The following VPS13D variants were observed in gnomAD, a reference collection of about 807,000 sequenced individuals.
VPS13D encodes vacuolar protein sorting 13 homolog D, also known as intermembrane lipid transfer protein VPS13D.
VPS13D carries 187 observed loss-of-function variants against 461.9 expected under a neutral mutation model. The observed-to-expected ratio is 0.40, with a 90% CI of 0.36 to 0.46. The LOEUF is 0.46. Among genes scored for constraint, VPS13D ranks in the 20% least tolerant of loss-of-function variants. The pLI is 0.60. For missense variants in VPS13D, 4,711 were observed against 5,364.9 expected, an observed-to-expected ratio of 0.88 and a Z score of 3.81; for synonymous variants, 1,951 against 1,986.3, an observed-to-expected ratio of 0.98 and a Z score of 0.47.
At chr1:12,332,585 A>G (rs186684531) in intron 37 of VPS13D, among the ~76,000 whole-genome samples, 72 of 152,340 alleles carry the variant, frequency 4.7e-4, no homozygotes, top group South Asian at 3.1e-3. Flanking sequence ...GAAATGATTA[A>G]CTAAAAATTC....
intron 67 of VPS13D, among the ~76,000 whole-genome samples, chr1:12,471,525 T>G (rs1189179252): frequency 1.3e-5 from 2 of 152,230 alleles, no homozygotes; most frequent in African/African-American, 4.8e-5. Context: ...CTTTGGGCTG[T>G]TTCTTCAATG....
At chr1:12,449,135 G>GA (rs879778673) in intron 65 of VPS13D, among the ~76,000 whole-genome samples, 69 of 142,114 alleles carry the variant, frequency 4.9e-4, no homozygotes, top group African/African-American at 6.9e-4. Context: ...CAGAGACCAG[G>GA]AAAAAAAAAA....
chr1:12,375,395 G>A (rs1284407279), intron 55 of VPS13D, among the ~76,000 whole-genome samples: 1 of 152,068 alleles, frequency 6.6e-6, no homozygotes, highest in African/African-American at 2.4e-5. Context: ...TTTATATACT[G>A]TACATATTTA....
chr1:12,250,084 A>C (rs1041188015), intron 6 of VPS13D, among the ~76,000 whole-genome samples: 1 of 152,198 alleles, frequency 6.6e-6, no homozygotes, highest in Non-Finnish European at 1.5e-5. Flanking sequence ...GAAACACTTT[A>C]CTTACATTTG....
rs1640620022 is a variant in VPS13D, at chr1:12,248,148, C to T, written c.448-1075C>T. On this transcript the variant is annotated intron_variant, in intron 5 of 69. Coordinates refer to ENST00000620676, the MANE Select transcript of VPS13D (RefSeq NM_015378.4). ...AGGTGATCCGACTGCCTCGGCCTCC[C>T]AAAGTGCTGGGATTACAGGCATGAT... Among the ~76,000 whole-genome samples, 6 of 152,016 alleles carry T rather than the reference C, an allele frequency of 3.9e-5. 1 individual carries two copies. In the South Asian group the frequency reaches 1.2e-3, roughly 31 times the overall value.
chr1:12,478,877 G>A, intron 67 of VPS13D: 1 of 455,870 alleles, frequency 2.2e-6, no homozygotes, highest in South Asian at 1.5e-5. Context: ...GGCAGAGGTG[G>A]GTCAGATGCC....
chr1:12,327,946 T>A, intron 36 of VPS13D, 92 bp downstream of exon 36: 1 of 1,230,642 alleles, frequency 8.1e-7, no homozygotes, highest in Non-Finnish European at 1.1e-6. Context: ...ATTCATACTC[T>A]ATTTAGTCAT....
At position 12,378,531 on chromosome 1, in the gene VPS13D, G is replaced by A. The variant is rs749715040; in HGVS notation, c.11021G>A (p.Arg3674His). ...PHNPNKPSAA[R>H]STEGSAILDI... ...AATCCCAATAAGCCCTCAGCCGCCC[G>A]CTCCACCGAGGGGTCTGCCATCTTA... The change falls in exon 56 of 70, where the codon CGC becomes CAC. Residue 3674 changes from arginine (R) to histidine (H), a missense_variant. Physicochemically the swap from Arg to His is conservative, Grantham distance 29 (BLOSUM62 0). Around this residue, in one of 3 missense-constraint regions of VPS13D, gnomAD observed 4,411 missense variants for 4,937.8 expected, o/e 0.89. Coordinates refer to ENST00000620676, the MANE Select transcript of VPS13D (RefSeq NM_015378.4). 3.1e-6 allele frequency: 5 copies of A among 1,611,156 alleles called. No individual in the cohort carries two copies. In the African/African-American group the frequency reaches 4.0e-5, roughly 13 times the overall value.
chr1:12,238,373 G>A (rs1640233787), intron 2 of VPS13D, among the ~76,000 whole-genome samples: 1 of 151,710 alleles, frequency 6.6e-6, no homozygotes, highest in African/African-American at 2.4e-5. Flanking sequence ...AAGAGTTTGA[G>A]GCTGCAGTGA....
intron 30 of VPS13D, among the ~76,000 whole-genome samples, chr1:12,315,319 G>T (rs1375054980): frequency 6.6e-6 from 1 of 152,222 alleles, no homozygotes; most frequent in Non-Finnish European, 1.5e-5. Flanking sequence ...TCAATGTGCT[G>T]TTCAGAATTC....
intron 67 of VPS13D, among the ~76,000 whole-genome samples, chr1:12,468,266 G>A (rs1453910811): frequency 6.6e-6 from 1 of 152,218 alleles, no homozygotes; most frequent in African/African-American, 2.4e-5. Context: ...GTGCATTAGA[G>A]AAGGTTGAAG....
intron 42 of VPS13D, among the ~76,000 whole-genome samples, chr1:12,344,297 A>G (rs930276550): frequency 2.0e-5 from 3 of 152,116 alleles, no homozygotes; most frequent in African/African-American, 7.2e-5. Context: ...TCAGTTCCTG[A>G]GTGTAAACTT....
intron 30 of VPS13D, among the ~76,000 whole-genome samples, chr1:12,315,782 A>G (rs1642870421): frequency 6.6e-6 from 1 of 152,158 alleles, no homozygotes; most frequent in Non-Finnish European, 1.5e-5. Flanking sequence ...TCCTTTGAAC[A>G]AGAGGCTGGC....
intron 42 of VPS13D, chr1:12,345,109 G>A (rs555385880): frequency 1.9e-5 from 6 of 321,370 alleles, no homozygotes; most frequent in South Asian, 9.0e-5. Context: ...ACCTTGGCTC[G>A]TGTTTAGGTT....
At chr1:12,265,275 C>T (rs1012003477) in intron 13 of VPS13D, among the ~76,000 whole-genome samples, 2 of 152,136 alleles carry the variant, frequency 1.3e-5, no homozygotes, top group Non-Finnish European at 2.9e-5. Context: ...GGAGTAATTT[C>T]AACATTCAAG....
At position 12,276,656 on chromosome 1, in the gene VPS13D, A is replaced by G. The variant is rs777234430; in HGVS notation, c.3068A>G (p.His1023Arg). ...GATTTTGACCTTTTGATGGCTTCAC[A>G]TAAGAACTTGAGCTTTGATATTCCA... ...GADFDLLMASHKNLSFDIPTG... is the reference protein window; with the variant it reads ...GADFDLLMASRKNLSFDIPTG... The change falls in exon 19 of 70, where the codon CAT becomes CGT. Residue 1023 changes from histidine to arginine, a missense_variant. By Grantham distance (29) the His-to-Arg change is conservative (BLOSUM62 0). This residue lies in a region of VPS13D where 4,411 missense variants were observed against 4,937.8 expected (regional missense o/e 0.89). Transcript: ENST00000620676. This position sits in a 1 kb window ranked among gnomAD's most constrained non-coding sequence, Gnocchi z 4.5. The G allele has an allele frequency of 3.1e-6, 5 of 1,614,228 alleles. No homozygotes were observed. The highest frequency in any genetic ancestry group is 3.4e-6 in the Non-Finnish European group (4 of 1,180,036).
At chr1:12,270,669 A>G (rs1641412701) in intron 16 of VPS13D, among the ~76,000 whole-genome samples, 1 of 151,968 alleles carries the variant, frequency 6.6e-6, no homozygotes, top group African/African-American at 2.4e-5. Flanking sequence ...CATTCCTGTT[A>G]CCCTGTATTA....
chr1:12,394,869 C>T (rs1214021068), intron 60 of VPS13D, among the ~76,000 whole-genome samples: 2 of 152,328 alleles, frequency 1.3e-5, no homozygotes, highest in Admixed American at 1.3e-4. Flanking sequence ...AAGCAGAATG[C>T]CTACTTAGTG....
At chr1:12,292,561 T>C (rs1205420680) in intron 23 of VPS13D, among the ~76,000 whole-genome samples, 2 of 150,818 alleles carry the variant, frequency 1.3e-5, no homozygotes, top group Admixed American at 6.7e-5. Context: ...CACCTCAGCC[T>C]TCTGTGTAGC....
Sources: allele counts gnomAD v4.1 joint callset (sites outside exome capture counted in the v4.1 genomes callset), GRCh38; gene constraint gnomAD v4.1.1; regional missense constraint gnomAD v4.1.1; non-coding constraint Gnocchi (gnomAD v3.1); transcripts MANE v1.5; gene names NCBI Gene and HGNC (gene_info 2026-07-23, HGNC 2026-07-21).